The following FMN1 variants were observed in gnomAD, a reference collection of about 807,000 sequenced individuals.
FMN1 encodes formin-1.
FMN1 carries 110 observed loss-of-function variants against 132.4 expected under a neutral mutation model. That is an observed-to-expected ratio of 0.83 (90% CI 0.71 to 0.97). FMN1 has a LOEUF of 0.97. Ranked by LOEUF, FMN1 falls within the 50% of genes least tolerant of loss-of-function variation. The pLI is 0.00. For synonymous variants in FMN1, 722 were observed against 651.7 expected, an observed-to-expected ratio of 1.11 and a Z score of -1.64; for missense variants, 1,792 against 1,705.3, an observed-to-expected ratio of 1.05 and a Z score of -0.90.
chr15:33,001,248 A>C (rs1424290199), intron 7 of FMN1, among the ~76,000 whole-genome samples: 1 of 152,204 alleles, frequency 6.6e-6, no homozygotes, highest in East Asian at 1.9e-4. Context: ...ACAGCATTTC[A>C]ATCTAGCTTG....
chr15:32,774,396 T>A, intron 20 of FMN1, 42 bp from the exon 21 acceptor site: 1 of 1,502,784 alleles, frequency 6.7e-7, no homozygotes, highest in East Asian at 2.4e-5. Context: ...TTCTTTCATC[T>A]TTCTCAAGTT....
intron 16 of FMN1, among the ~76,000 whole-genome samples, chr15:32,872,924 AAAGAG>A (rs565843072): frequency 9.8e-4 from 145 of 148,240 alleles, no homozygotes; most frequent in South Asian, 4.6e-3. Context: ...AGAAAGGCAT[AAAGAG>A]AAGAGAGGGA....
chr15:32,801,584 C>T (rs11635639), intron 18 of FMN1, among the ~76,000 whole-genome samples: 37,129 of 151,884 alleles, frequency 0.24, 4,728 homozygotes, highest in Admixed American at 0.29. Context: ...GGCTAACATG[C>T]TGAAACCCCA....
intron 19 of FMN1, among the ~76,000 whole-genome samples, chr15:32,789,297 A>G (rs373151382): frequency 1.3e-5 from 2 of 152,330 alleles, no homozygotes; most frequent in Admixed American, 6.5e-5. Context: ...AACCCCCAAA[A>G]TTCTGGAGAT....
intron 4 of FMN1, among the ~76,000 whole-genome samples, chr15:33,117,340 T>G (rs992219296): frequency 3.3e-5 from 5 of 151,986 alleles, no homozygotes; most frequent in Admixed American, 2.0e-4. Context: ...TCCTTAAGAG[T>G]AATCTAAAAT....
intron 4 of FMN1, among the ~76,000 whole-genome samples, chr15:33,119,808 A>G (rs1397179723): frequency 6.6e-6 from 1 of 152,164 alleles, no homozygotes; most frequent in East Asian, 1.9e-4. Flanking sequence ...TTTGAAAGCC[A>G]GTCTTCTTCT....
intron 11 of FMN1, 30 bp from the exon 12 acceptor site, chr15:32,908,608 A>C (rs770460391): frequency 9.9e-7 from 1 of 1,014,632 alleles, no homozygotes; most frequent in Non-Finnish European, 1.4e-6. Flanking sequence ...AAAACCAAAA[A>C]AAAAAAAAAA....
rs192114106 is a variant in FMN1, at chr15:33,097,697, A to G, written c.1868-8723T>C. ...TAATGATAAAAGAGTCACTTCATCA[A>G]AAAGACATAACATGCCTACATTTTC... is the stretch of plus-strand genomic sequence containing the variant. On this transcript the variant is annotated intron_variant, in intron 4 of 20. Transcript: ENST00000616417. Among the ~76,000 whole-genome samples, 464 of 152,324 alleles carry G rather than the reference A, an allele frequency of 3.0e-3. 2 individuals are homozygous for G. Among genetic ancestry groups the G allele is most frequent in the Middle Eastern group, 6.8e-3 (2 of 294 alleles).
chr15:33,180,409 G>A (rs923022333), intron 2 of FMN1, 147 bp from the exon 3 acceptor site: 1 of 152,162 alleles, frequency 6.6e-6, no homozygotes, highest in African/African-American at 2.4e-5. Context: ...GACCCTTTAA[G>A]GTCTTCTGGA....
chr15:33,097,213 C>CT (rs1386745335), intron 4 of FMN1, among the ~76,000 whole-genome samples: 1 of 151,500 alleles, frequency 6.6e-6, no homozygotes, highest in African/African-American at 2.4e-5. Context: ...GGGAGGATCA[C>CT]TTGTTACTTG....
At chr15:33,011,666 T>G (rs1338138084) in intron 6 of FMN1, among the ~76,000 whole-genome samples, 2 of 152,104 alleles carry the variant, frequency 1.3e-5, no homozygotes, top group African/African-American at 4.8e-5. Context: ...TCAATAGAGA[T>G]AACATTCCCT....
intron 17 of FMN1, among the ~76,000 whole-genome samples, chr15:32,838,889 C>T (rs568716173): frequency 6.6e-6 from 1 of 152,270 alleles, no homozygotes; most frequent in Non-Finnish European, 1.5e-5. Flanking sequence ...CAGCAGTCCC[C>T]ATTATCTCAT....
intron 3 of FMN1, among the ~76,000 whole-genome samples, chr15:33,165,406 T>TA: frequency 6.6e-6 from 1 of 152,358 alleles, no homozygotes; most frequent in South Asian, 2.1e-4. Context: ...CTTTCTTTTT[T>TA]TTGAGACGGA....
At chr15:32,796,009 C>T (rs770864967) in intron 19 of FMN1, among the ~76,000 whole-genome samples, 14 of 152,304 alleles carry the variant, frequency 9.2e-5, no homozygotes, top group Non-Finnish European at 1.5e-4. Flanking sequence ...GATTATTGTT[C>T]ACTCACAAGG....
chr15:33,100,190 T>C (rs1405773990), intron 4 of FMN1, among the ~76,000 whole-genome samples: 1 of 151,102 alleles, frequency 6.6e-6, no homozygotes, highest in Non-Finnish European at 1.5e-5. Flanking sequence ...ATAGAATATT[T>C]TGAACTGAGC....
rs186040199 is a variant in FMN1, at chr15:32,831,456, A to C, written c.3928+25559T>G. ...AGGTGGGGCTTGATGGCAGTTTTGA[A>C]GGGTATTTGCTGCTTGCCTAGAACA... On this transcript the variant is annotated intron_variant, in intron 17 of 20. Transcript: ENST00000616417. Among the ~76,000 whole-genome samples the C allele has an allele frequency of 2.0e-5, 3 of 152,238 alleles. 1 individual carries two copies. Among genetic ancestry groups the C allele is most frequent in the Admixed American group, 1.3e-4 (2 of 15,304 alleles).
At chr15:32,994,149 TTTAG>T (rs2033619007) in intron 7 of FMN1, among the ~76,000 whole-genome samples, 2 of 152,004 alleles carry the variant, frequency 1.3e-5, no homozygotes. Context: ...CCAGAGCATA[TTTAG>T]TAAGAGTTGA....
intron 9 of FMN1, among the ~76,000 whole-genome samples, chr15:32,952,528 A>C (rs1354479247): frequency 6.6e-6 from 1 of 152,226 alleles, no homozygotes; most frequent in African/African-American, 2.4e-5. Context: ...AAATCTTTAG[A>C]GTCAATATGA....
intron 3 of FMN1, among the ~76,000 whole-genome samples, chr15:33,165,627 A>C (rs1377590575): frequency 6.6e-6 from 1 of 152,190 alleles, no homozygotes; most frequent in Non-Finnish European, 1.5e-5. Flanking sequence ...TTCTTACCTG[A>C]TGATCCGCCT....
Sources: allele counts gnomAD v4.1 joint callset (sites outside exome capture counted in the v4.1 genomes callset), GRCh38; gene constraint gnomAD v4.1.1; transcripts MANE v1.5; gene names NCBI Gene and HGNC (gene_info 2026-07-23, HGNC 2026-07-21).